TTC39A: variants seen among roughly 807,000 people sequenced by gnomAD.
The protein encoded by TTC39A is tetratricopeptide repeat domain 39A, also known as tetratricopeptide repeat protein 39A.
A neutral mutation model predicts 82.3 loss-of-function variants in TTC39A; 46 were observed. The ratio of observed to expected loss-of-function variants is 0.56; its 90% confidence interval spans 0.44 to 0.71. The LOEUF is 0.71. Among genes scored for constraint, TTC39A ranks in the 30% least tolerant of loss-of-function variants. The pLI is 0.00. For synonymous variants in TTC39A, 254 were observed against 275.2 expected (o/e 0.92, Z 0.76); for missense variants, 543 against 712.9 (o/e 0.76, Z 2.71).
Position 51,303,110 on chromosome 1 carries a change from T to C in TTC39A, c.737A>G (p.Tyr246Cys), listed in dbSNP as rs1644737544. Residue 246 changes from tyrosine to cysteine, a missense_variant, in exon 9 of 18, where the codon TAC becomes TGC. Physicochemically the swap from Tyr to Cys is radical, Grantham distance 194. Transcript: ENST00000680483. ...SVLCVMLLLC[Y>C]HTFLTFVLGT... ...GAGCACGAAGGTGAGGAAGGTGTGG[T>C]AGCACAGCAGGAGCATGACACAGAG... is the stretch of plus-strand genomic sequence containing the variant. 6.3e-7 allele frequency: 1 copy of C among 1,594,800 alleles called. No homozygotes were observed. The highest frequency in any genetic ancestry group is 8.5e-7 in the Non-Finnish European group (1 of 1,171,430).
chr1:51,341,116 C>T (rs942331991), intron 1 of TTC39A, among the ~76,000 whole-genome samples: 1 of 152,066 alleles, frequency 6.6e-6, no homozygotes, highest in South Asian at 2.1e-4. Context: ...GAGCCGAGAT[C>T]GCACCATTGC....
At chr1:51,298,405 C>T (rs1468223471) in intron 12 of TTC39A, 1 of 152,862 alleles carries the variant, frequency 6.5e-6, no homozygotes, top group Admixed American at 6.5e-5. Flanking sequence ...CATTTCCTCC[C>T]CTACACTCCT....
upstream of TTC39A, among the ~76,000 whole-genome samples, chr1:51,332,720 T>C (rs563253658): frequency 1.1e-4 from 17 of 152,320 alleles, no homozygotes; most frequent in African/African-American, 3.8e-4. Flanking sequence ...TATATTTTTA[T>C]TGTTAAGTAC....
At chr1:51,333,702 C>G (rs1645940029), upstream of TTC39A, among the ~76,000 whole-genome samples, 1 of 152,164 alleles carries the variant, frequency 6.6e-6, no homozygotes, top group Non-Finnish European at 1.5e-5. Context: ...CTGTCACTGT[C>G]TGTGTGTGGT....
chr1:51,340,438 C>T (rs1234669434), intron 1 of TTC39A, among the ~76,000 whole-genome samples: 6 of 152,132 alleles, frequency 3.9e-5, no homozygotes, highest in South Asian at 2.1e-4. Context: ...CCAAATATAT[C>T]GTAATTTGGG....
chr1:51,328,019 T>C (rs979889947), intron 1 of TTC39A, among the ~76,000 whole-genome samples: 1 of 152,054 alleles, frequency 6.6e-6, no homozygotes, highest in Non-Finnish European at 1.5e-5. Context: ...CTTGATCAAG[T>C]AGCACTGACT....
At position 51,312,752 on chromosome 1, in the gene TTC39A, G is replaced by C. The variant is rs568931424; in HGVS notation, c.278+60C>G. The C allele has an allele frequency of 8.2e-6, 13 of 1,587,026 alleles. No individual in the cohort carries two copies. In the East Asian group the frequency reaches 2.0e-4, roughly 25 times the overall value. ...AGTGGCATGTTAGGCCCTGGAATGGGCCAGGGTGACAGCAGGGTGGGCCTC... is the reference window on the plus strand; with the variant it reads ...AGTGGCATGTTAGGCCCTGGAATGGCCCAGGGTGACAGCAGGGTGGGCCTC... On this transcript the variant is annotated intron_variant, in intron 3 of 17. Coordinates refer to ENST00000680483, the MANE Select transcript of TTC39A (RefSeq NM_001297663.2).
At chr1:51,290,233 C>A in intron 15 of TTC39A, 114 bp from the exon 16 acceptor site, 1 of 946,114 alleles carries the variant, frequency 1.1e-6, no homozygotes, top group Non-Finnish European at 1.6e-6. Context: ...CAGACACAGT[C>A]CCTGTCCTCA....
chr1:51,326,882 A>G (rs1645730378), intron 1 of TTC39A, among the ~76,000 whole-genome samples: 1 of 152,178 alleles, frequency 6.6e-6, no homozygotes, highest in Non-Finnish European at 1.5e-5. Context: ...GTGTTGGGGA[A>G]CAGAGGAGAG....
At chr1:51,293,891 G>A (rs573453392) in intron 14 of TTC39A, among the ~76,000 whole-genome samples, 2 of 152,336 alleles carry the variant, frequency 1.3e-5, no homozygotes, top group Non-Finnish European at 2.9e-5. Context: ...CACCAGCAGC[G>A]CCTACTCAGA....
intron 1 of TTC39A, among the ~76,000 whole-genome samples, chr1:51,338,574 C>T (rs1163893566): frequency 6.7e-6 from 1 of 148,288 alleles, no homozygotes. Context: ...CACCCGAGTG[C>T]AGCGCTGTCG....
chr1:51,331,072 C>A, upstream of TTC39A: 2 of 1,028,612 alleles, frequency 1.9e-6, no homozygotes. Flanking sequence ...ACACTGCCTT[C>A]TCAAATGATC....
At chr1:51,344,857 A>AC in intron 1 of TTC39A, 1 of 1,144,380 alleles carries the variant, frequency 8.7e-7, no homozygotes, top group Non-Finnish European at 1.2e-6. Flanking sequence ...CCTCCGGCCG[A>AC]CCCCCACGCC....
In TTC39A at chr1:51,336,756, C is replaced by G. The variant is rs138235501; in HGVS notation, c.53+8235G>C. 8.9e-3 allele frequency among the ~76,000 whole-genome samples: 1,360 copies of G among 152,234 alleles called. 17 individuals are homozygous for G. The highest frequency in any genetic ancestry group is 0.03 in the African/African-American group (1,254 of 41,532). ...CAGGGCTTGCACCTGACACCCTGGG[C>G]CAGTAACTTCATTTCTGAAACGGGG... On this transcript the variant is annotated intron_variant, in intron 1 of 5. Coordinates refer to the TTC39A transcript ENST00000401051.
At chr1:51,343,570 A>C (rs1235524187) in intron 1 of TTC39A, among the ~76,000 whole-genome samples, 1 of 152,042 alleles carries the variant, frequency 6.6e-6, no homozygotes, top group Non-Finnish European at 1.5e-5. Flanking sequence ...CCCAGCATCT[A>C]TTTCTGATGT....
chr1:51,296,374 C>T (rs932723415), intron 12 of TTC39A, among the ~76,000 whole-genome samples: 5 of 152,340 alleles, frequency 3.3e-5, no homozygotes, highest in African/African-American at 1.2e-4. Flanking sequence ...CCTTCTTCTC[C>T]ACTTGAAGCA....
rs1406013294 is a variant in TTC39A at position 51,301,608 on chromosome 1, G to A, written c.1017C>T (p.Tyr339=). The change falls in exon 12 of 18, where the codon TAC becomes TAT. Residue 339 remains tyrosine (Y), a synonymous_variant. Transcript: ENST00000680483. ...AGTTCTCCTTGCTGAGCAGGTCGGCGTAGAAGTAGGACATCTTCCACTGGC... is the reference window on the plus strand; with the variant it reads ...AGTTCTCCTTGCTGAGCAGGTCGGCATAGAAGTAGGACATCTTCCACTGGC... The part of the protein sequence containing the change: ...YKGQWKMSYF[Y]ADLLSKENCW... 23 of 1,612,854 alleles carry A rather than the reference G, an allele frequency of 1.4e-5. 1 individual carries two copies. The Middle Eastern group carries it at 8.2e-4, about 58-fold the overall frequency.
At chr1:51,307,531 C>T (rs955456574) in intron 6 of TTC39A, among the ~76,000 whole-genome samples, 1 of 151,920 alleles carries the variant, frequency 6.6e-6, no homozygotes, top group Admixed American at 6.6e-5. Context: ...GTCAGGAGTT[C>T]GAGACCAGCC....
intron 12 of TTC39A, chr1:51,297,253 C>G (rs939940356): frequency 7.2e-5 from 11 of 152,118 alleles, no homozygotes; most frequent in African/African-American, 2.7e-4. Flanking sequence ...CTCTGTCGCC[C>G]AGGCTAAGGC....
Sources: gnomAD v4.1 joint callset for allele counts (sites outside exome capture counted in the v4.1 genomes callset) on GRCh38, gnomAD v4.1.1 for gene constraint, MANE v1.5 for transcripts, NCBI Gene and HGNC (gene_info 2026-07-23, HGNC 2026-07-21) for gene names.